GRIP1: variants seen among roughly 807,000 people sequenced by gnomAD.
The protein encoded by GRIP1 is glutamate receptor interacting protein 1, also known as glutamate receptor-interacting protein 1.
GRIP1 carries 45 observed loss-of-function variants against 129.9 expected under a neutral mutation model. That is an observed-to-expected ratio of 0.35 (90% CI 0.27 to 0.44). GRIP1 has a LOEUF of 0.44. Among genes scored for constraint, GRIP1 ranks in the 20% least tolerant of loss-of-function variants. The probability of loss-of-function intolerance (pLI) is 1.00; values close to 1 mark genes in which losing one functional copy is unlikely to be tolerated. For synonymous variants in GRIP1, 530 were observed against 520.8 expected, an observed-to-expected ratio of 1.02 and a Z score of -0.24; for missense variants, 1,196 against 1,396.8, an observed-to-expected ratio of 0.86 and a Z score of 2.29.
At chr12:66,778,017 C>A (rs921380700) in intron 1 of GRIP1, among the ~76,000 whole-genome samples, 1 of 152,014 alleles carries the variant, frequency 6.6e-6, no homozygotes, top group Non-Finnish European at 1.5e-5. Context: ...AAAATACACA[C>A]CAAATTTTGA....
intron 1 of GRIP1, among the ~76,000 whole-genome samples, chr12:66,947,548 C>T (rs2041692265): frequency 6.6e-6 from 1 of 152,204 alleles, no homozygotes; most frequent in African/African-American, 2.4e-5. Context: ...TGATACGGTA[C>T]ATGCTGCTTC....
chr12:66,633,207 A>ATG (rs934120636), intron 1 of GRIP1, among the ~76,000 whole-genome samples: 6 of 145,292 alleles, frequency 4.1e-5, no homozygotes, highest in African/African-American at 1.3e-4. Context: ...GTATATATAT[A>ATG]TGTGTGTGTA....
intron 1 of GRIP1, among the ~76,000 whole-genome samples, chr12:67,050,126 T>C (rs182680813): frequency 3.0e-4 from 46 of 152,302 alleles, no homozygotes; most frequent in Admixed American, 7.2e-4. Context: ...TATTAAACTT[T>C]TGTCTTTTAT....
intron 13 of GRIP1, among the ~76,000 whole-genome samples, chr12:66,441,775 T>C (rs2058478041): frequency 6.6e-6 from 1 of 152,162 alleles, no homozygotes. Flanking sequence ...TGCCAACTCA[T>C]CTCTAAAATA....
upstream of GRIP1, among the ~76,000 whole-genome samples, chr12:66,680,577 C>A (rs2034546014): frequency 6.6e-6 from 1 of 152,006 alleles, no homozygotes; most frequent in African/African-American, 2.4e-5. Context: ...TGAATTTCAA[C>A]CCATATTATG....
intron 11 of GRIP1, among the ~76,000 whole-genome samples, chr12:66,446,065 A>T (rs2058616120): frequency 6.6e-6 from 1 of 151,448 alleles, no homozygotes; most frequent in Non-Finnish European, 1.5e-5. Context: ...TGGCATGATG[A>T]CATTGTTTAA....
intron 1 of GRIP1, among the ~76,000 whole-genome samples, chr12:66,737,311 T>C (rs992573129): frequency 7.9e-5 from 12 of 152,102 alleles, no homozygotes; most frequent in Non-Finnish European, 1.8e-4. Context: ...TGAGATGGAG[T>C]CTCACTCTGT....
chr12:67,037,648 ATTTAT>A (rs1310939099), intron 1 of GRIP1, among the ~76,000 whole-genome samples: 1 of 152,192 alleles, frequency 6.6e-6, no homozygotes, highest in Non-Finnish European at 1.5e-5. Context: ...TAAATTAGGT[ATTTAT>A]CATTTCTTTA....
intron 1 of GRIP1, among the ~76,000 whole-genome samples, chr12:66,748,064 G>A (rs2037006962): frequency 6.6e-6 from 1 of 151,988 alleles, no homozygotes; most frequent in South Asian, 2.1e-4. Flanking sequence ...TGTTGCCCAG[G>A]CTGGAGTGTA....
rs1472322427 is a variant in GRIP1, at chr12:67,050,356, T to TCC, written c.58+18693_58+18694insGG. The stretch of plus-strand genomic sequence containing the variant: ...CTGAAATGAAGAAAAACAAAATAAT[T>TCC]AGATTGATATAGGACCAGCTTTATA... On this transcript the variant is annotated intron_variant, in intron 1 of 1. Transcript: ENST00000643019. Among the ~76,000 whole-genome samples, 634 of 152,262 alleles carry TCC rather than the reference T, an allele frequency of 4.2e-3. 1 individual carries two copies. Among genetic ancestry groups the TCC allele is most frequent in the African/African-American group, 0.014 (595 of 41,562 alleles).
intron 1 of GRIP1, among the ~76,000 whole-genome samples, chr12:67,016,134 T>TC (rs1451457293): frequency 6.6e-6 from 1 of 152,266 alleles, no homozygotes; most frequent in African/African-American, 2.4e-5. Context: ...ACTGACACTG[T>TC]TCTTTGAGAG....
chr12:66,959,213 AT>A (rs2041887592), intron 1 of GRIP1, among the ~76,000 whole-genome samples: 1 of 152,142 alleles, frequency 6.6e-6, no homozygotes, highest in African/African-American at 2.4e-5. Flanking sequence ...TTATCTCCTA[AT>A]TTTTTAATGG....
At chr12:66,365,020 T>C (rs748563970) in intron 23 of GRIP1, among the ~76,000 whole-genome samples, 2 of 152,190 alleles carry the variant, frequency 1.3e-5, no homozygotes, top group Non-Finnish European at 2.9e-5. Context: ...ACAGAGGTCA[T>C]GAATATGCTA....
intron 1 of GRIP1, among the ~76,000 whole-genome samples, chr12:66,979,440 G>C (rs976115748): frequency 8.6e-5 from 13 of 151,594 alleles, no homozygotes; most frequent in Admixed American, 2.0e-4. Context: ...CCATGAAAAA[G>C]TTAGAGCACT....
chr12:66,536,730 T>C (rs1012042452), intron 4 of GRIP1, among the ~76,000 whole-genome samples: 1 of 152,230 alleles, frequency 6.6e-6, no homozygotes, highest in East Asian at 1.9e-4. Flanking sequence ...TTATTTATTA[T>C]GGTTTTATTT....
rs567244894 is a variant in GRIP1, at chr12:66,363,126, T to C, written c.3012+8568A>G. 2.1e-3 allele frequency among the ~76,000 whole-genome samples: 305 copies of C among 144,762 alleles called. 4 individuals carry two copies. Among genetic ancestry groups the C allele is most frequent in the African/African-American group, 6.6e-3 (250 of 37,670 alleles). The allele number at this position is 144,762 out of a possible 152,430, so 95.0% of individuals were successfully genotyped here. On this transcript the variant is annotated intron_variant, in intron 23 of 24. Coordinates refer to ENST00000359742, the MANE Select transcript of GRIP1 (RefSeq NM_001366722.1). ...ATATCCTACTAACTTTATATATATA[T>C]ACACACACACATATACACACACATA...
At chr12:66,985,455 C>T (rs1430921299) in intron 1 of GRIP1, among the ~76,000 whole-genome samples, 3 of 152,066 alleles carry the variant, frequency 2.0e-5, no homozygotes, top group Non-Finnish European at 2.9e-5. Context: ...TATAATTAAA[C>T]ACCTCAGGAA....
At position 66,773,827 on chromosome 12, in the gene GRIP1, A is replaced by G. The variant is rs140799007; in HGVS notation, c.-420+30226T>C. On this transcript the variant is annotated intron_variant, in intron 1 of 4. Transcript: ENST00000538373. ...AAACAGAAGTATTAAACTTTTTGGC[A>G]TGTCTTTTCTTTATCAAAGAAAGCA... Among the ~76,000 whole-genome samples, 850 of 152,326 alleles carry G rather than the reference A, an allele frequency of 5.6e-3. 7 individuals are homozygous for G. Among genetic ancestry groups the G allele is most frequent in the African/African-American group, 0.019 (802 of 41,586 alleles).
chr12:66,732,968 T>G (rs2036485840), intron 1 of GRIP1, among the ~76,000 whole-genome samples: 2 of 152,198 alleles, frequency 1.3e-5, no homozygotes, highest in South Asian at 4.1e-4. Flanking sequence ...TTTATCATAA[T>G]AAAGAGTAAT....
Sources: gnomAD v4.1 joint callset for allele counts (sites outside exome capture counted in the v4.1 genomes callset) on GRCh38, gnomAD v4.1.1 for gene constraint, MANE v1.5 for transcripts, NCBI Gene and HGNC (gene_info 2026-07-23, HGNC 2026-07-21) for gene names.